Variants in ADCY9 observed in about 807,000 individuals in gnomAD.
The protein encoded by ADCY9 is adenylate cyclase type 9.
In ADCY9, 50 loss-of-function variants were observed where a neutral mutation model predicts 101.5. The ratio of observed to expected loss-of-function variants is 0.49; its 90% confidence interval spans 0.39 to 0.62. The LOEUF (loss-of-function observed/expected upper bound fraction) is 0.62. Among genes scored for constraint, ADCY9 ranks in the 20% least tolerant of loss-of-function variants. The pLI is 0.00. For missense variants in ADCY9, 1,662 were observed against 1,800.4 expected, an observed-to-expected ratio of 0.92 and a Z score of 1.39; for synonymous variants, 905 against 769.3, an observed-to-expected ratio of 1.18 and a Z score of -2.92.
intron 2 of ADCY9, among the ~76,000 whole-genome samples, chr16:4,056,110 G>C (rs566596755): frequency 1.3e-5 from 2 of 152,184 alleles, no homozygotes; most frequent in Non-Finnish European, 2.9e-5. Context: ...CTCCCCGCAA[G>C]GAGGTTGTCT....
At chr16:4,065,076 A>C (rs1290589889) in intron 2 of ADCY9, among the ~76,000 whole-genome samples, 1 of 152,228 alleles carries the variant, frequency 6.6e-6, no homozygotes, top group East Asian at 1.9e-4. Context: ...AATTTATAGC[A>C]GCTACATGAC....
intron 2 of ADCY9, among the ~76,000 whole-genome samples, chr16:4,018,969 G>GTGTGTGTGTGTGTGTGTGTGTGTT (rs1410386929): frequency 6.6e-6 from 1 of 150,892 alleles, no homozygotes; most frequent in Admixed American, 6.6e-5. Flanking sequence ...GTGTGTGTGT[G>GTGTGTGTGTGTGTGTGTGTGTGTT]TTTTGTTTTG....
At position 4,115,108 on chromosome 16, in the gene ADCY9, GT is replaced by G. The variant is rs1226693983; in HGVS notation, c.334del (p.Thr112ProfsTer27). 1 of 1,613,910 alleles carries G rather than the reference GT, an allele frequency of 6.2e-7. No homozygotes were observed. Among genetic ancestry groups the G allele is most frequent in the Non-Finnish European group, 8.5e-7 (1 of 1,180,044 alleles). Reference protein sequence around the residue: ...EACLERCFPQTQRRFRYALFY... With the variant: ...EACLERCFPQXQRRFRYALFY... ...GAGCGCATACCGGAACCGGCGCTGGGTCTGCGGGAAGCAGCGCTCCAGGCAG... is the reference window on the plus strand; with the variant it reads ...GAGCGCATACCGGAACCGGCGCTGGGCTGCGGGAAGCAGCGCTCCAGGCAG... On this transcript the variant is annotated frameshift_variant, in exon 2 of 11. Transcript: ENST00000294016. LOFTEE classifies it high-confidence loss of function. The surrounding 1 kb of genome is among the most constrained non-coding windows in gnomAD (Gnocchi z 6.2).
chr16:3,967,930 T>G (rs2056014111), intron 10 of ADCY9, among the ~76,000 whole-genome samples: 1 of 152,018 alleles, frequency 6.6e-6, no homozygotes. Context: ...ACTCCTGATC[T>G]CAAAGTGATC....
chr16:3,981,776 A>AT (rs2056145547), intron 7 of ADCY9: 1 of 141,174 alleles, frequency 7.1e-6, no homozygotes, highest in South Asian at 2.2e-4. Flanking sequence ...TTTTTTTGGT[A>AT]TTTTTTAGTA....
chr16:4,054,388 C>G (rs11076804), intron 2 of ADCY9, among the ~76,000 whole-genome samples: 92,801 of 151,562 alleles, frequency 0.61, 28,696 homozygotes, highest in South Asian at 0.71. Context: ...TTTTCCCAAA[C>G]TGTGGTGGAT....
chr16:4,045,594 TAAAAAAAAAA>T (rs545715002), intron 2 of ADCY9, among the ~76,000 whole-genome samples: 25 of 64,964 alleles, frequency 3.8e-4, no homozygotes, highest in South Asian at 8.9e-4. Context: ...GACTCTGCCT[TAAAAAAAAAA>T]AAAAAAAAAA....
intron 3 of ADCY9, among the ~76,000 whole-genome samples, chr16:4,004,217 C>G (rs901679952): frequency 6.9e-5 from 10 of 143,908 alleles, no homozygotes; most frequent in African/African-American, 2.1e-4. Context: ...CACTGGTACT[C>G]TAGCCTGGGC....
rs368017118 is a variant in ADCY9, at chr16:3,983,006, G to A, written c.2519+226C>T. The A allele has an allele frequency of 6.2e-4, 356 of 577,906 alleles. 5 individuals are homozygous for A. In the South Asian group the frequency reaches 6.5e-3, roughly 11 times the overall value. 35.8% of individuals were successfully genotyped at this position (577,906 alleles called of 1,614,324 possible). The stretch of plus-strand genomic sequence containing the variant: ...CAAGCTGGCAGCGGTTGGGGCTGTG[G>A]AGGCACCGCCCCCTCCAGCGAGGTG... On this transcript the variant is annotated intron_variant, in intron 7 of 10. Coordinates refer to ENST00000294016, the MANE Select transcript of ADCY9 (RefSeq NM_001116.4).
chr16:4,097,474 A>ATG (rs1449538492), intron 2 of ADCY9, among the ~76,000 whole-genome samples: 8 of 92,504 alleles, frequency 8.6e-5, no homozygotes, highest in Non-Finnish European at 1.9e-4. Flanking sequence ...ATATATATAT[A>ATG]TATATATATA....
intron 2 of ADCY9, among the ~76,000 whole-genome samples, chr16:4,059,893 A>T (rs2056764070): frequency 6.6e-6 from 1 of 152,252 alleles, no homozygotes; most frequent in African/African-American, 2.4e-5. Context: ...GGAAGGCCTC[A>T]TCTCAAGAAT....
At chr16:3,995,396 C>G (rs1266223222) in intron 3 of ADCY9, among the ~76,000 whole-genome samples, 1 of 151,848 alleles carries the variant, frequency 6.6e-6, no homozygotes, top group Non-Finnish European at 1.5e-5. Context: ...CCACTGCACT[C>G]CAGCCTGGGG....
intron 2 of ADCY9, among the ~76,000 whole-genome samples, chr16:4,082,186 G>A (rs140638985): frequency 2.0e-5 from 3 of 151,888 alleles, no homozygotes; most frequent in African/African-American, 4.8e-5. Flanking sequence ...GACCAGCCTC[G>A]GCAACATAGC....
At chr16:3,970,896 G>A (rs1038696478) in intron 10 of ADCY9, among the ~76,000 whole-genome samples, 2 of 152,102 alleles carry the variant, frequency 1.3e-5, no homozygotes, top group African/African-American at 2.4e-5. Flanking sequence ...GCATGGCTAC[G>A]TCCCTTCCAG....
intron 2 of ADCY9, among the ~76,000 whole-genome samples, chr16:4,033,655 T>C (rs1040135637): frequency 6.6e-6 from 1 of 152,118 alleles, no homozygotes; most frequent in Non-Finnish European, 1.5e-5. Context: ...GACCTTGTGA[T>C]CCACCCGCCT....
At chr16:4,110,170 C>T (rs889595155) in intron 2 of ADCY9, among the ~76,000 whole-genome samples, 16 of 152,200 alleles carry the variant, frequency 1.1e-4, no homozygotes, top group Admixed American at 2.0e-4. Context: ...GCAGGTCAGA[C>T]GCGCCCCAAA....
intron 2 of ADCY9, among the ~76,000 whole-genome samples, chr16:4,103,799 C>T (rs1379036727): frequency 6.6e-6 from 1 of 152,088 alleles, no homozygotes; most frequent in Admixed American, 6.6e-5. Context: ...CCACTGCACT[C>T]CAGCCCGGGC....
In ADCY9 at chr16:4,007,575, T is replaced by A. The variant is rs774853647; in HGVS notation, c.1694-17A>T. On this transcript the variant is annotated splice_polypyrimidine_tract_variant and intron_variant, in intron 2 of 10. Coordinates refer to ENST00000294016, the MANE Select transcript of ADCY9 (RefSeq NM_001116.4). ...TCTTCAAACCTATGATGGATAAAAG[T>A]TACAGTCAGCACAGATTGAAAGCAC... 3.8e-6 allele frequency: 6 copies of A among 1,597,568 alleles called. No individual in the cohort carries two copies. The highest frequency in any genetic ancestry group is 5.1e-6 in the Non-Finnish European group (6 of 1,172,214).
chr16:3,966,869 G>A lies in ADCY9; in HGVS notation c.2968C>T (p.Leu990Phe). ...CGATTCAGGAACCAGACCAACAAGA[G>A]CAGGAGAAAGAAGACGAGAACCACC... is the stretch of plus-strand genomic sequence containing the variant. ...QEVVLVFFLL[L>F]LLVWFLNREF... Residue 990 changes from leucine to phenylalanine, a missense_variant, in exon 11 of 11, where the codon CTC becomes TTC. Transcript: ENST00000294016. 1 of 1,614,222 alleles carries A rather than the reference G, an allele frequency of 6.2e-7. No homozygotes were observed. The highest frequency in any genetic ancestry group is 8.5e-7 in the Non-Finnish European group (1 of 1,180,048).
Sources: gnomAD v4.1 joint callset for allele counts (sites outside exome capture counted in the v4.1 genomes callset) on GRCh38, gnomAD v4.1.1 for gene constraint, Gnocchi (gnomAD v3.1) non-coding constraint, MANE v1.5 for transcripts, NCBI Gene and HGNC (gene_info 2026-07-23, HGNC 2026-07-21) for gene names.